Variants in CAST observed in about 807,000 individuals in gnomAD.
CAST encodes the protein calpastatin, also known as MIR583 host.
Under a neutral mutation model 119.6 loss-of-function variants are expected in CAST, and 76 were observed. The observed-to-expected ratio is 0.64, with a 90% CI of 0.53 to 0.77. CAST has a LOEUF of 0.77. Among genes scored for constraint, CAST ranks in the 30% least tolerant of loss-of-function variants. The probability of loss-of-function intolerance (pLI) is 0.00; values close to 1 mark genes in which losing one functional copy is unlikely to be tolerated. For synonymous variants in CAST, 319 were observed against 331.6 expected, an observed-to-expected ratio of 0.96 and a Z score of 0.41; for missense variants, 953 against 946.5, an observed-to-expected ratio of 1.01 and a Z score of -0.09.
chr5:96,064,893 A>G, the CAST span, among the ~76,000 whole-genome samples: 2 of 152,182 alleles, frequency 1.3e-5, no homozygotes, highest in African/African-American at 4.8e-5. Context: ...TTAAACCAGC[A>G]TAAAAATTAA....
chr5:96,022,360 A>C, the CAST span, among the ~76,000 whole-genome samples: 6 of 152,258 alleles, frequency 3.9e-5, no homozygotes, highest in African/African-American at 1.4e-4. Context: ...AAATTGAGGC[A>C]GAAATTTGAG....
intron 1 of CAST, among the ~76,000 whole-genome samples, chr5:96,605,406 AG>A (rs1388974531): frequency 6.6e-6 from 1 of 152,258 alleles, no homozygotes; most frequent in African/African-American, 2.4e-5. Flanking sequence ...AAGATCACAC[AG>A]CTGATAATGT....
intron 1 of CAST, among the ~76,000 whole-genome samples, chr5:96,607,001 C>A (rs142397224): frequency 6.6e-6 from 1 of 152,324 alleles, no homozygotes; most frequent in East Asian, 1.9e-4. Context: ...TTAAGAACCA[C>A]TATATTGGCG....
At chr5:96,174,749 G>GT in the CAST span, among the ~76,000 whole-genome samples, 73 of 152,254 alleles carry the variant, frequency 4.8e-4, no homozygotes, top group Middle Eastern at 3.4e-3. Context: ...GTAAAAATGT[G>GT]TTTTTATAGT....
chr5:96,765,283 G>A lies in CAST; in HGVS notation c.1995G>A (p.Gln665=). 1 of 1,568,636 alleles carries A rather than the reference G, an allele frequency of 6.4e-7. No homozygotes were observed. Among genetic ancestry groups the A allele is most frequent in the South Asian group, 1.1e-5 (1 of 89,984 alleles). The change falls in exon 26 of 32, where the codon CAG becomes CAA. Residue 665 remains glutamine, a synonymous_variant. Coordinates refer to ENST00000675179, the MANE Select transcript of CAST (RefSeq NM_001750.7). ...DKLSDSLGQR[Q]PDPDENKPME... ...TCTCTGACAGTCTAGGACAAAGGCA[G>A]CCTGACCCAGATGAGAACAAACCAA...
the CAST span, among the ~76,000 whole-genome samples, chr5:96,160,773 T>C: frequency 7.2e-5 from 11 of 152,330 alleles, no homozygotes; most frequent in African/African-American, 2.6e-4. Context: ...TTAACACTTA[T>C]TTTCTGTCTT....
chr5:96,377,542 T>C, the CAST span, among the ~76,000 whole-genome samples: 1 of 152,210 alleles, frequency 6.6e-6, no homozygotes, highest in Non-Finnish European at 1.5e-5. Context: ...TAGTAACATA[T>C]TCTACAACTT....
chr5:95,961,738 T>G, the CAST span: 1 of 1,580,496 alleles, frequency 6.3e-7, no homozygotes, highest in African/African-American at 1.4e-5. Flanking sequence ...CTCCCCGGGG[T>G]GCCGCCGCCG....
At chr5:96,716,561 GC>G (rs1298581474) in intron 3 of CAST, among the ~76,000 whole-genome samples, 3 of 152,150 alleles carry the variant, frequency 2.0e-5, no homozygotes, top group Non-Finnish European at 2.9e-5. Flanking sequence ...AACAGGCCTG[GC>G]CCCTGCCTTC....
the CAST span, among the ~76,000 whole-genome samples, chr5:96,090,496 G>C: frequency 6.6e-6 from 1 of 152,004 alleles, no homozygotes; most frequent in Admixed American, 6.5e-5. Context: ...GGCCTCTCTG[G>C]GGTCCTCTTA....
At chr5:95,979,948 T>G in the CAST span, among the ~76,000 whole-genome samples, 1 of 152,070 alleles carries the variant, frequency 6.6e-6, no homozygotes, top group East Asian at 1.9e-4. Context: ...TAAAGTCCTG[T>G]CTCTATTAAA....
the CAST span, among the ~76,000 whole-genome samples, chr5:96,107,049 T>G: frequency 6.9e-6 from 1 of 144,214 alleles, no homozygotes; most frequent in Non-Finnish European, 1.5e-5. Context: ...TTGCAACCCC[T>G]GCCTTTTTTT....
the CAST span, among the ~76,000 whole-genome samples, chr5:96,494,056 A>ACT: frequency 6.6e-6 from 1 of 152,048 alleles, no homozygotes; most frequent in Non-Finnish European, 1.5e-5. Flanking sequence ...TAACTAACTA[A>ACT]ATAAATAAAT....
At chr5:96,215,713 A>G in the CAST span, among the ~76,000 whole-genome samples, 1 of 152,104 alleles carries the variant, frequency 6.6e-6, no homozygotes, top group Non-Finnish European at 1.5e-5. Context: ...CTTCTTCTCA[A>G]TCTGCTCAGC....
chr5:96,318,023 G>A, the CAST span, among the ~76,000 whole-genome samples: 9 of 152,278 alleles, frequency 5.9e-5, no homozygotes, highest in Middle Eastern at 3.4e-3. Flanking sequence ...CTATCATGGC[G>A]TGGTCAGTTG....
the CAST span, among the ~76,000 whole-genome samples, chr5:96,055,887 C>T: frequency 6.6e-6 from 1 of 152,080 alleles, no homozygotes; most frequent in African/African-American, 2.4e-5. Context: ...TGATGATAAA[C>T]TTTTAAAATA....
chr5:95,964,030 A>G, the CAST span, among the ~76,000 whole-genome samples: 5 of 152,218 alleles, frequency 3.3e-5, no homozygotes, highest in East Asian at 9.6e-4. Flanking sequence ...ATAATAGGAA[A>G]ATTTTTCTCA....
the CAST span, among the ~76,000 whole-genome samples, chr5:96,061,305 C>T: frequency 6.6e-6 from 1 of 152,068 alleles, no homozygotes. Context: ...CCCTGCAGCC[C>T]GAATGGCCTA....
intron 2 of CAST, among the ~76,000 whole-genome samples, chr5:96,676,157 G>A (rs1475020948): frequency 6.6e-6 from 1 of 152,138 alleles, no homozygotes; most frequent in Non-Finnish European, 1.5e-5. Flanking sequence ...TGTTTAGAAT[G>A]ACCTACTTCT....
Sources: gnomAD v4.1 joint callset for allele counts (sites outside exome capture counted in the v4.1 genomes callset) on GRCh38, gnomAD v4.1.1 for gene constraint, MANE v1.5 for transcripts, NCBI Gene and HGNC (gene_info 2026-07-23, HGNC 2026-07-21) for gene names.